The following URI1 variants were observed in gnomAD, a reference collection of about 807,000 sequenced individuals.
URI1 encodes unconventional prefoldin RPB5 interactor 1.
Under a neutral mutation model 60.2 loss-of-function variants are expected in URI1, and 39 were observed. That is an observed-to-expected ratio of 0.65 (90% CI 0.50 to 0.85). URI1 has a LOEUF of 0.85. Among genes scored for constraint, URI1 ranks in the 40% least tolerant of loss-of-function variants. The probability of loss-of-function intolerance (pLI) is 0.00; values close to 1 mark genes in which losing one functional copy is unlikely to be tolerated. For missense variants in URI1, 691 were observed against 665.9 expected, an observed-to-expected ratio of 1.04 and a Z score of -0.42; for synonymous variants, 251 against 236.8, an observed-to-expected ratio of 1.06 and a Z score of -0.55.
chr19:30,010,769 GCCAAACA>G (rs1423246757), intron 8 of URI1, among the ~76,000 whole-genome samples: 1 of 152,102 alleles, frequency 6.6e-6, no homozygotes, highest in Non-Finnish European at 1.5e-5. Flanking sequence ...CATAATTCAA[GCCAAACA>G]CTTATATCAA....
At position 29,942,341 on chromosome 19, in the gene URI1, C is replaced by A. The variant is rs2145220905; in HGVS notation, c.-207C>A. ...CTGCTACTCGGAGCCCGCTGCGGGG[C>A]GGCGGCGGCGGGGACATGCACGTGT... On this transcript the variant is annotated 5_prime_UTR_variant, in exon 1 of 11. Coordinates refer to ENST00000392271, the MANE Select transcript of URI1 (RefSeq NM_003796.3). 1 of 984,656 alleles carries A rather than the reference C, an allele frequency of 1.0e-6. No individual in the cohort carries two copies. Among genetic ancestry groups the A allele is most frequent in the Non-Finnish European group, 1.2e-6 (1 of 829,476 alleles). 61.0% of individuals were successfully genotyped at this position (984,656 alleles called of 1,614,324 possible).
intron 2 of URI1, among the ~76,000 whole-genome samples, chr19:29,983,740 C>A (rs2145365925): frequency 6.6e-6 from 1 of 152,272 alleles, no homozygotes; most frequent in African/African-American, 2.4e-5. Flanking sequence ...TAGGCTGCTG[C>A]CTGGTATTAC....
chr19:29,974,567 C>A (rs2055497811), intron 2 of URI1, among the ~76,000 whole-genome samples: 2 of 152,100 alleles, frequency 1.3e-5, no homozygotes, highest in Admixed American at 1.3e-4. Context: ...CTTATCTTGC[C>A]ATCTACTCCT....
chr19:29,952,967 T>C (rs2055198164), intron 1 of URI1, among the ~76,000 whole-genome samples: 1 of 152,236 alleles, frequency 6.6e-6, no homozygotes, highest in Admixed American at 6.5e-5. Flanking sequence ...ATCCAAGGTC[T>C]TGAAGATTTA....
At chr19:29,953,578 T>A (rs1402247263) in intron 1 of URI1, among the ~76,000 whole-genome samples, 1 of 152,226 alleles carries the variant, frequency 6.6e-6, no homozygotes, top group Non-Finnish European at 1.5e-5. Context: ...TCTTGAAAGA[T>A]GATGCAATAT....
chr19:29,959,654 T>C (rs1453837655), intron 1 of URI1, among the ~76,000 whole-genome samples: 4 of 152,352 alleles, frequency 2.6e-5, no homozygotes, highest in Middle Eastern at 3.4e-3. Context: ...CTCCGAGTTA[T>C]CATAATATCC....
intron 2 of URI1, among the ~76,000 whole-genome samples, chr19:29,972,071 C>T (rs1431838698): frequency 6.6e-6 from 1 of 152,012 alleles, no homozygotes; most frequent in Non-Finnish European, 1.5e-5. Flanking sequence ...CCTGAGAGAT[C>T]TCCAAGGAAA....
rs964611522 is a variant in URI1 at position 30,015,504 on chromosome 19, A to G, written c.*435A>G. 1.1e-5 allele frequency: 17 copies of G among 1,523,504 alleles called. 1 individual carries two copies. The African/African-American group carries it at 1.9e-4, about 17-fold the overall frequency. 94.4% of individuals were successfully genotyped at this position (1,523,504 alleles called of 1,614,324 possible). A position where few individuals can be genotyped will look rare whatever the true frequency, so the allele number is the denominator to read the frequency against. Reference sequence around the variant, plus strand: ...TACATTACTTGCTTTCACATTTTAAAGGCACTTTAAAAAAATCTACTTCTC... The same window carrying G: ...TACATTACTTGCTTTCACATTTTAAGGGCACTTTAAAAAAATCTACTTCTC... On this transcript the variant is annotated 3_prime_UTR_variant, in exon 11 of 11. Coordinates refer to ENST00000392271, the MANE Select transcript of URI1 (RefSeq NM_003796.3).
At chr19:29,985,115 G>C in intron 2 of URI1, 108 bp from the exon 3 acceptor site, 2 of 890,434 alleles carry the variant, frequency 2.2e-6, no homozygotes, top group Non-Finnish European at 3.1e-6. Context: ...GCGACACTCT[G>C]TCTCAAAAAA....
rs185256049 is a variant in URI1 at position 30,008,231 on chromosome 19, C to G, written c.686+593C>G. 6.0e-4 allele frequency among the ~76,000 whole-genome samples: 91 copies of G among 152,008 alleles called. 1 individual carries two copies. The highest frequency in any genetic ancestry group is 3.2e-3 in the Middle Eastern group (1 of 316). ...AAAATGCTAAATGAAATCTGCTACT[C>G]GAGAAGTTCTATATTATTTTGCTTA... On this transcript the variant is annotated intron_variant, in intron 7 of 10. Coordinates refer to ENST00000392271, the MANE Select transcript of URI1 (RefSeq NM_003796.3).
chr19:30,000,207 T>C (rs998255112), intron 4 of URI1, among the ~76,000 whole-genome samples: 5 of 151,988 alleles, frequency 3.3e-5, no homozygotes, highest in Non-Finnish European at 7.4e-5. Context: ...TAGTTTTCTA[T>C]GTGTCTGTCA....
chr19:29,986,257 T>G, intron 3 of URI1, 25 bp from the exon 4 acceptor site: 1 of 1,534,614 alleles, frequency 6.5e-7, no homozygotes, highest in Non-Finnish European at 8.7e-7. Context: ...GTTTTTTCCC[T>G]TTTTTCTTTT....
intron 8 of URI1, among the ~76,000 whole-genome samples, chr19:30,010,577 A>G (rs1034785119): frequency 1.3e-5 from 2 of 152,180 alleles, no homozygotes; most frequent in Non-Finnish European, 2.9e-5. Flanking sequence ...CTAGGGATAG[A>G]AAAATAACAT....
intron 2 of URI1, among the ~76,000 whole-genome samples, chr19:29,971,846 T>C (rs1486770613): frequency 6.6e-6 from 1 of 152,012 alleles, no homozygotes; most frequent in Admixed American, 6.6e-5. Context: ...TCATGAAGTA[T>C]AGCTGTTGAT....
intron 1 of URI1, among the ~76,000 whole-genome samples, chr19:29,927,335 C>T (rs1457881856): frequency 1.3e-5 from 2 of 149,184 alleles, no homozygotes; most frequent in Non-Finnish European, 3.0e-5. Context: ...GCAATCTCGG[C>T]TCACTGCAAC....
At chr19:30,009,862 A>AT (rs2055995727) in intron 8 of URI1, among the ~76,000 whole-genome samples, 1 of 152,140 alleles carries the variant, frequency 6.6e-6, no homozygotes, top group East Asian at 1.9e-4. Context: ...ATGACTTAGA[A>AT]TTTTGGCATT....
chr19:29,943,596 A>G (rs1291472843), intron 1 of URI1, among the ~76,000 whole-genome samples: 4 of 152,210 alleles, frequency 2.6e-5, no homozygotes, highest in Non-Finnish European at 5.9e-5. Context: ...TTAATTGAAC[A>G]TTCCTGTATA....
At chr19:29,998,548 A>T (rs917888392) in intron 4 of URI1, among the ~76,000 whole-genome samples, 2 of 152,126 alleles carry the variant, frequency 1.3e-5, no homozygotes, top group Non-Finnish European at 2.9e-5. Flanking sequence ...TGAACCTTTT[A>T]TCAGTGTGAA....
At position 30,014,951 on chromosome 19, in the gene URI1, TTGC is replaced by T. The variant is rs751138986; in HGVS notation, c.1492_1494del (p.Ala498del). The T allele has an allele frequency of 6.2e-6, 10 of 1,613,798 alleles. No individual in the cohort carries two copies. In the Middle Eastern group the frequency reaches 4.9e-4, roughly 80 times the overall value. On this transcript the variant is annotated inframe_deletion, in exon 11 of 11. Coordinates refer to ENST00000392271, the MANE Select transcript of URI1 (RefSeq NM_003796.3). ...CCTTCCTTAACACCACCCCCAGCCATTGCTCATCCCGCACTACCCACTATTCCA... is the reference window on the plus strand; with the variant it reads ...CCTTCCTTAACACCACCCCCAGCCATTCATCCCGCACTACCCACTATTCCA...
Sources: gnomAD v4.1 joint callset for allele counts (sites outside exome capture counted in the v4.1 genomes callset) on GRCh38, gnomAD v4.1.1 for gene constraint, MANE v1.5 for transcripts, NCBI Gene and HGNC (gene_info 2026-07-23, HGNC 2026-07-21) for gene names.